The following TFEC variants were observed in gnomAD, a reference collection of about 807,000 sequenced individuals.
TFEC encodes the protein class E basic helix-loop-helix protein 34.
Under a neutral mutation model 41.6 loss-of-function variants are expected in TFEC, and 31 were observed. The ratio of observed to expected loss-of-function variants is 0.74; its 90% confidence interval spans 0.56 to 1.01. TFEC has a LOEUF of 1.01. Among genes scored for constraint, TFEC ranks in the 50% least tolerant of loss-of-function variants. The pLI, the probability that TFEC is intolerant of heterozygous loss-of-function variation, is 0.00. For synonymous variants in TFEC, 143 were observed against 140.6 expected, an observed-to-expected ratio of 1.02 and a Z score of -0.12; for missense variants, 402 against 404.1, an observed-to-expected ratio of 0.99 and a Z score of 0.04.
At chr7:116,014,645 AC>A (rs540113415) in intron 1 of TFEC, among the ~76,000 whole-genome samples, 109 of 152,250 alleles carry the variant, frequency 7.2e-4, no homozygotes, top group African/African-American at 2.5e-3. Context: ...TCCACATCTT[AC>A]CCTAGAACCT....
chr7:116,152,316 G>C (rs1798778514), intron 1 of TFEC, among the ~76,000 whole-genome samples: 1 of 152,310 alleles, frequency 6.6e-6, no homozygotes, highest in East Asian at 1.9e-4. Flanking sequence ...CCCAAGAAGA[G>C]GGGATCTAAA....
At chr7:116,033,329 C>A (rs1385574510), upstream of TFEC, among the ~76,000 whole-genome samples, 1 of 152,030 alleles carries the variant, frequency 6.6e-6, no homozygotes, top group African/African-American at 2.4e-5. Context: ...AGCTATGGCA[C>A]CTTGGTTAAA....
chr7:116,141,125 A>G (rs1334078702), intron 1 of TFEC, among the ~76,000 whole-genome samples: 2 of 152,162 alleles, frequency 1.3e-5, no homozygotes, highest in Non-Finnish European at 2.9e-5. Context: ...TAAGTAAGTA[A>G]GTGCTGTAAG....
At position 115,959,670 on chromosome 7, in the gene TFEC, G is replaced by A. The variant is rs1050584685; in HGVS notation, c.268-2877C>T. ...ATGACCAAAGAGACCAAGGAGAAATGAGAGATATGAGAAATAGAATGCTTA... is the reference window on the plus strand; with the variant it reads ...ATGACCAAAGAGACCAAGGAGAAATAAGAGATATGAGAAATAGAATGCTTA... On this transcript the variant is annotated intron_variant, in intron 3 of 7. Transcript: ENST00000265440. 2.0e-5 allele frequency among the ~76,000 whole-genome samples: 3 copies of A among 151,580 alleles called. No homozygotes were observed. In the East Asian group the frequency reaches 5.8e-4, roughly 29 times the overall value.
chr7:116,040,910 G>C (rs1156566109), intron 3 of TFEC, among the ~76,000 whole-genome samples: 2 of 152,090 alleles, frequency 1.3e-5, no homozygotes, highest in Non-Finnish European at 2.9e-5. Context: ...AGTTCAAATA[G>C]CAAAATAAAT....
At chr7:116,089,685 G>A (rs1797280038) in intron 3 of TFEC, among the ~76,000 whole-genome samples, 1 of 152,096 alleles carries the variant, frequency 6.6e-6, no homozygotes, top group Non-Finnish European at 1.5e-5. Flanking sequence ...TGATGATTTA[G>A]AAGATGAGAT....
intron 1 of TFEC, among the ~76,000 whole-genome samples, chr7:116,030,004 T>G (rs530825002): frequency 2.0e-5 from 3 of 152,132 alleles, no homozygotes; most frequent in Non-Finnish European, 4.4e-5. Context: ...AGGCAGACGT[T>G]GCAGTGAGCA....
At chr7:116,150,899 T>A (rs1380278205) in intron 1 of TFEC, among the ~76,000 whole-genome samples, 3 of 152,170 alleles carry the variant, frequency 2.0e-5, no homozygotes, top group Non-Finnish European at 4.4e-5. Context: ...TTATCCGGAA[T>A]CAAAGTGCTA....
chr7:115,968,093 T>G lies in TFEC; in HGVS notation c.267+6077A>C. The G allele has an allele frequency of 3.1e-6, 4 of 1,301,938 alleles. No individual in the cohort carries two copies. The South Asian group carries it at 5.2e-5, about 17-fold the overall frequency. 80.6% of individuals were successfully genotyped at this position (1,301,938 alleles called of 1,614,324 possible). A position where few individuals can be genotyped will look rare whatever the true frequency, so the allele number is the denominator to read the frequency against. Reference sequence around the variant, plus strand: ...AAAGCTCAATGTTCACATACCTTATTTTATTGACTATAAGTTTATAAAGTT... The same window carrying G: ...AAAGCTCAATGTTCACATACCTTATGTTATTGACTATAAGTTTATAAAGTT... On this transcript the variant is annotated intron_variant, in intron 3 of 7. Transcript: ENST00000265440.
At chr7:115,968,007 T>G (rs1028284467) in intron 3 of TFEC, among the ~76,000 whole-genome samples, 2 of 151,810 alleles carry the variant, frequency 1.3e-5, no homozygotes, top group African/African-American at 4.8e-5. Flanking sequence ...TCCAGAGCAC[T>G]AAAAATAATC....
intron 3 of TFEC, among the ~76,000 whole-genome samples, chr7:116,068,871 C>A (rs1796757499): frequency 6.6e-6 from 1 of 151,394 alleles, no homozygotes; most frequent in South Asian, 2.1e-4. Flanking sequence ...TTTCCAATGA[C>A]ATTTTCAAAA....
intron 3 of TFEC, among the ~76,000 whole-genome samples, chr7:116,076,929 C>G (rs1198596291): frequency 1.3e-5 from 2 of 152,092 alleles, no homozygotes; most frequent in Admixed American, 6.5e-5. Flanking sequence ...CAAGGAACAT[C>G]TGGGAAATTT....
chr7:116,128,157 C>T (rs975167023), intron 1 of TFEC, among the ~76,000 whole-genome samples: 2 of 152,038 alleles, frequency 1.3e-5, no homozygotes, highest in Non-Finnish European at 2.9e-5. Flanking sequence ...ATTCCACATA[C>T]CCAGGAAGTT....
chr7:116,057,435 C>T (rs890308339), intron 3 of TFEC, among the ~76,000 whole-genome samples: 2 of 151,740 alleles, frequency 1.3e-5, no homozygotes, highest in Non-Finnish European at 2.9e-5. Context: ...CTATATTCAA[C>T]AAAGACATAT....
chr7:116,117,750 C>T (rs1260058818), intron 1 of TFEC, among the ~76,000 whole-genome samples: 1 of 151,828 alleles, frequency 6.6e-6, no homozygotes, highest in Non-Finnish European at 1.5e-5. Flanking sequence ...GGGATTAGAA[C>T]CTAGTTCTCT....
At chr7:116,088,906 G>A (rs1349102559) in intron 3 of TFEC, among the ~76,000 whole-genome samples, 1 of 151,996 alleles carries the variant, frequency 6.6e-6, no homozygotes, top group Non-Finnish European at 1.5e-5. Context: ...GAAATTTACT[G>A]AGTGAGTACA....
chr7:116,013,680 C>T (rs776801602), intron 1 of TFEC, among the ~76,000 whole-genome samples: 3 of 152,082 alleles, frequency 2.0e-5, no homozygotes, highest in Non-Finnish European at 4.4e-5. Flanking sequence ...CTGTAAGTTA[C>T]TTATTATCAG....
chr7:115,957,418 G>GGGT (rs1209684733), intron 3 of TFEC, among the ~76,000 whole-genome samples: 1 of 151,714 alleles, frequency 6.6e-6, no homozygotes, highest in Non-Finnish European at 1.5e-5. Context: ...AGTGAATATA[G>GGGT]GGTACATCCA....
rs1341274338 is a variant in TFEC at position 115,984,516 on chromosome 7, A to T, written c.-72-3T>A. On this transcript the variant is annotated splice_region_variant and splice_polypyrimidine_tract_variant and intron_variant, in intron 1 of 7. Coordinates refer to ENST00000265440, the MANE Select transcript of TFEC (RefSeq NM_012252.4). Reference sequence around the variant, plus strand: ...GAACTTTCCAGGTGTGCTGGGACCTACAAGATCAAAATTAAACAAATACAA... The same window carrying T: ...GAACTTTCCAGGTGTGCTGGGACCTTCAAGATCAAAATTAAACAAATACAA... 6 of 1,613,148 alleles carry T rather than the reference A, an allele frequency of 3.7e-6. No individual in the cohort carries two copies. Among genetic ancestry groups the T allele is most frequent in the Non-Finnish European group, 5.1e-6 (6 of 1,179,528 alleles).
Sources: gnomAD v4.1 joint callset for allele counts (sites outside exome capture counted in the v4.1 genomes callset) on GRCh38, gnomAD v4.1.1 for gene constraint, MANE v1.5 for transcripts, NCBI Gene and HGNC (gene_info 2026-07-23, HGNC 2026-07-21) for gene names.